Variants in CPSF7 observed in about 807,000 individuals in gnomAD.
CPSF7 encodes cleavage and polyadenylation specific factor 7.
In CPSF7, 1 loss-of-function variant was observed where a neutral mutation model predicts 44.3. That is an observed-to-expected ratio of 0.02 (90% CI 0.01 to 0.11). The LOEUF is 0.11. Among genes scored for constraint, CPSF7 ranks in the 10% least tolerant of loss-of-function variants. The pLI is 1.00. For missense variants in CPSF7, 443 were observed against 607.2 expected, an observed-to-expected ratio of 0.73 and a Z score of 2.84; for synonymous variants, 202 against 222.0, an observed-to-expected ratio of 0.91 and a Z score of 0.80.
intron 7 of CPSF7, among the ~76,000 whole-genome samples, chr11:61,414,947 A>G (rs1254774289): frequency 6.6e-6 from 1 of 152,156 alleles, no homozygotes; most frequent in African/African-American, 2.4e-5. Context: ...ATAGCAAACC[A>G]TTATCTAGGC....
intron 6 of CPSF7, 36 bp from the exon 7 acceptor site, chr11:61,415,820 T>C (rs1351306617): frequency 2.9e-6 from 4 of 1,397,728 alleles, no homozygotes; most frequent in Non-Finnish European, 4.1e-6. Flanking sequence ...ATTGCTCACA[T>C]CCCTTATTAT....
chr11:61,410,983 T>C lies in CPSF7; in HGVS notation c.1349A>G (p.His450Arg). 7 of 1,613,824 alleles carry C rather than the reference T, an allele frequency of 4.3e-6. No homozygotes were observed. The highest frequency in any genetic ancestry group is 5.9e-6 in the Non-Finnish European group (7 of 1,179,956). Reference sequence around the variant, plus strand: ...CCGTTCTCTATCCCGGTGTCTCTCATGCTCCCGGTTCCTTTCTTGGAAATA... The same window carrying C: ...CCGTTCTCTATCCCGGTGTCTCTCACGCTCCCGGTTCCTTTCTTGGAAATA... ...DDYFQERNRE[H>R]ERHRDRERDR... Residue 450 changes from histidine (H) to arginine (R), a missense_variant, in exon 9 of 10, where the codon CAT becomes CGT. Transcript: ENST00000439958.
intron 2 of CPSF7, among the ~76,000 whole-genome samples, chr11:61,423,718 C>T (rs1861108190): frequency 6.6e-6 from 1 of 152,152 alleles, no homozygotes; most frequent in Middle Eastern, 3.2e-3. Context: ...TAAAGACAGG[C>T]GGCTCCCTTA....
intron 7 of CPSF7, 111 bp from the exon 8 acceptor site, chr11:61,412,048 A>C: frequency 1.1e-6 from 1 of 870,586 alleles, no homozygotes; most frequent in Non-Finnish European, 1.8e-6. Context: ...CGTCCCAAAC[A>C]ACCGCGGTAA....
chr11:61,415,758 G>A lies in CPSF7; in HGVS notation c.965C>T (p.Thr322Ile). The change falls in exon 7 of 10, where the codon ACA (threonine) becomes ATA (isoleucine). Residue 322 changes from threonine (T) to isoleucine (I), a missense_variant. Physicochemically the swap from Thr to Ile is moderately conservative, Grantham distance 89. Coordinates refer to ENST00000439958, the MANE Select transcript of CPSF7 (RefSeq NM_001142565.3). ...ATCTTCAAATTCGGCTTCACTCACT[G>A]TAGAGGGTGGAGGGCCCGAATCTCG... ...GSRDSGPPPS[T>I]VSEAEFEDIM... 5.0e-6 allele frequency: 8 copies of A among 1,613,788 alleles called. No homozygotes were observed. The highest frequency in any genetic ancestry group is 6.8e-6 in the Non-Finnish European group (8 of 1,179,624).
In CPSF7 at chr11:61,421,463, G is replaced by A; in HGVS notation, c.200C>T (p.Thr67Ile). ...ACTGTAGGTATACAGAATTGCAGGG[G>A]TCTTGTTGTTGGGCTTGGGAGATGG... is the stretch of plus-strand genomic sequence containing the variant. ...QEPSPKPNNKTPAILYTYSGL... is the reference protein window; with the variant it reads ...QEPSPKPNNKIPAILYTYSGL... Residue 67 changes from threonine to isoleucine, a missense_variant, in exon 3 of 10, where the codon ACC (threonine) becomes ATC (isoleucine). Physicochemically the swap from Thr to Ile is moderately conservative, Grantham distance 89. Transcript: ENST00000439958. 6.2e-7 allele frequency: 1 copy of A among 1,614,198 alleles called. No homozygotes were observed. Among genetic ancestry groups the A allele is most frequent in the Non-Finnish European group, 8.5e-7 (1 of 1,180,042 alleles).
At chr11:61,424,428 C>CCTTA (rs1366096423) in intron 2 of CPSF7, among the ~76,000 whole-genome samples, 3 of 152,154 alleles carry the variant, frequency 2.0e-5, no homozygotes, top group African/African-American at 7.2e-5. Context: ...ATGCTCAAAT[C>CCTTA]CTTAGAAAGC....
At chr11:61,429,144 G>A (rs765231024) in intron 2 of CPSF7, 38 bp downstream of exon 2, 43 of 1,230,666 alleles carry the variant, frequency 3.5e-5, no homozygotes, top group Non-Finnish European at 5.0e-5. Flanking sequence ...TTCCTCAGAT[G>A]ATCAAGGAAA....
At position 61,415,725 on chromosome 11, in the gene CPSF7, T is replaced by A; in HGVS notation, c.998A>T (p.Lys333Met). Residue 333 changes from lysine (K) to methionine (M), a missense_variant, in exon 7 of 10, where the codon AAG becomes ATG. Transcript: ENST00000439958. ...VSEAEFEDIMKRNRAISSSAI... is the reference protein window; with the variant it reads ...VSEAEFEDIMMRNRAISSSAI... The stretch of plus-strand genomic sequence containing the variant: ...ACTGCTGGAAATTGCTCTGTTTCGC[T>A]TCATGATATCTTCAAATTCGGCTTC... The A allele has an allele frequency of 6.2e-7, 1 of 1,614,188 alleles. No individual in the cohort carries two copies. Among genetic ancestry groups the A allele is most frequent in the Non-Finnish European group, 8.5e-7 (1 of 1,180,006 alleles).
At chr11:61,421,190 A>G in intron 3 of CPSF7, 200 bp downstream of exon 3, 1 of 1,178,802 alleles carries the variant, frequency 8.5e-7, no homozygotes, top group Non-Finnish European at 1.2e-6. Flanking sequence ...GCAACTACCC[A>G]CTTAATCATT....
intron 3 of CPSF7, chr11:61,420,790 T>A (rs1455032733): frequency 3.4e-6 from 2 of 590,746 alleles, no homozygotes; most frequent in Non-Finnish European, 6.0e-6. Context: ...ATTACGAAGA[T>A]TAAAACTTAT....
chr11:61,420,985 G>T, intron 3 of CPSF7: 1 of 900,944 alleles, frequency 1.1e-6, no homozygotes, highest in South Asian at 1.4e-5. Flanking sequence ...AAAATAACTT[G>T]CAGAACAACA....
chr11:61,416,271 T>C lies in CPSF7; in HGVS notation c.772A>G (p.Met258Val), dbSNP rs925568523. ...GGAGGTAATCGAGGAGGTGGGGGCA[T>C]GAGATGCTGGTAGTGGATACCAGGA... ...PPPGIHYQHL[M>V]PPPPRLPPHL... Residue 258 changes from methionine (M) to valine (V), a missense_variant, in exon 6 of 10, where the codon ATG becomes GTG. Transcript: ENST00000439958. 1.3e-6 allele frequency: 2 copies of C among 1,527,502 alleles called. No homozygotes were observed. Among genetic ancestry groups the C allele is most frequent in the Non-Finnish European group, 1.8e-6 (2 of 1,139,354 alleles). The allele number at this position is 1,527,502 out of a possible 1,614,324, so 94.6% of individuals were successfully genotyped here.
intron 5 of CPSF7, among the ~76,000 whole-genome samples, chr11:61,419,186 G>A (rs1039250448): frequency 5.9e-5 from 9 of 152,074 alleles, no homozygotes; most frequent in Non-Finnish European, 1.3e-4. Flanking sequence ...CCCACACCCG[G>A]CTAATTTTTG....
At chr11:61,409,770 T>G (rs1859681961) in intron 9 of CPSF7, among the ~76,000 whole-genome samples, 1 of 151,852 alleles carries the variant, frequency 6.6e-6, no homozygotes, top group Non-Finnish European at 1.5e-5. Flanking sequence ...AGTCAGGAGT[T>G]CAAGGCCAAC....
chr11:61,429,852 C>T, intron 1 of CPSF7, 62 bp downstream of exon 1: 1 of 1,544,254 alleles, frequency 6.5e-7, no homozygotes, highest in East Asian at 2.5e-5. Flanking sequence ...CCCTTCCCGC[C>T]TCAGTGCCGG....
Position 61,413,317 on chromosome 11 carries a change from A to G in CPSF7, c.1058-1380T>C, listed in dbSNP as rs117084386. Among the ~76,000 whole-genome samples, 903 of 152,230 alleles carry G rather than the reference A, an allele frequency of 5.9e-3. 5 individuals are homozygous for G. The highest frequency in any genetic ancestry group is 9.7e-3 in the Non-Finnish European group (663 of 68,010). On this transcript the variant is annotated intron_variant, in intron 7 of 9. Transcript: ENST00000439958. Reference sequence around the variant, plus strand: ...TATATGATATTTACATAAAACATGTATGCGTAGTATATGTATACATTAAAA... The same window carrying G: ...TATATGATATTTACATAAAACATGTGTGCGTAGTATATGTATACATTAAAA...
chr11:61,418,282 G>T (rs1368090476), intron 5 of CPSF7, among the ~76,000 whole-genome samples: 1 of 152,200 alleles, frequency 6.6e-6, no homozygotes, highest in African/African-American at 2.4e-5. Context: ...CATCAGTGAT[G>T]AAACTTTGCT....
intron 9 of CPSF7, among the ~76,000 whole-genome samples, chr11:61,410,154 G>C (rs2135269981): frequency 6.6e-6 from 1 of 152,034 alleles, no homozygotes; most frequent in South Asian, 2.1e-4. Flanking sequence ...CCAGAGTGCA[G>C]TGGTGCAATC....
Sources: gnomAD v4.1 joint callset for allele counts (sites outside exome capture counted in the v4.1 genomes callset) on GRCh38, gnomAD v4.1.1 for gene constraint, MANE v1.5 for transcripts, NCBI Gene and HGNC (gene_info 2026-07-23, HGNC 2026-07-21) for gene names.